The following CHN2 variants were observed in gnomAD, a reference collection of about 807,000 sequenced individuals.
CHN2 encodes beta-chimaerin.
In CHN2, 35 loss-of-function variants were observed where a neutral mutation model predicts 56.3. The ratio of observed to expected loss-of-function variants is 0.62; its 90% CI spans 0.47 to 0.82. CHN2 has a LOEUF of 0.82. CHN2 is among the 40% of genes least tolerant of loss of function. CHN2 has a pLI of 0.00. For missense variants in CHN2, 491 were observed against 580.5 expected (o/e 0.85, Z 1.58); for synonymous variants, 210 against 212.8 (o/e 0.99, Z 0.12).
At chr7:29,497,437 C>G (rs1438932442) in intron 8 of CHN2, among the ~76,000 whole-genome samples, 5 of 151,686 alleles carry the variant, frequency 3.3e-5, no homozygotes, top group Non-Finnish European at 7.4e-5. Flanking sequence ...TGAACAGCAA[C>G]TTTTCAAGTT....
At chr7:29,489,679 ATTTTG>A (rs1378672951) in intron 7 of CHN2, among the ~76,000 whole-genome samples, 2 of 152,054 alleles carry the variant, frequency 1.3e-5, no homozygotes, top group Non-Finnish European at 2.9e-5. Flanking sequence ...CTCTATTCTC[ATTTTG>A]TTTTATTTTT....
intron 12 of CHN2, among the ~76,000 whole-genome samples, chr7:29,511,143 G>T (rs1791309511): frequency 5.7e-5 from 1 of 17,526 alleles, no homozygotes; most frequent in Admixed American, 4.5e-4. Flanking sequence ...TATGTGAAAA[G>T]AAGCAAACGG....
At chr7:29,376,741 C>G (rs1436329409) in intron 3 of CHN2, among the ~76,000 whole-genome samples, 7 of 152,288 alleles carry the variant, frequency 4.6e-5, no homozygotes, top group Non-Finnish European at 1.0e-4. Context: ...AGTGTAGGCA[C>G]CCATAGCCTT....
At chr7:29,152,657 CCTT>C (rs1301911719) in intron 2 of CHN2, among the ~76,000 whole-genome samples, 1 of 152,124 alleles carries the variant, frequency 6.6e-6, no homozygotes, top group Non-Finnish European at 1.5e-5. Flanking sequence ...AGGAATTATC[CCTT>C]CTTCTCAGTA....
intron 1 of CHN2, among the ~76,000 whole-genome samples, chr7:29,264,134 G>A (rs1350906452): frequency 6.8e-6 from 1 of 147,008 alleles, no homozygotes; most frequent in Non-Finnish European, 1.5e-5. Context: ...CCCTCTGCCC[G>A]GCCGCCACCC....
chr7:29,324,600 T>C (rs183588678), intron 1 of CHN2, among the ~76,000 whole-genome samples: 3 of 146,572 alleles, frequency 2.0e-5, no homozygotes, highest in Non-Finnish European at 3.1e-5. Flanking sequence ...TAACATCAGC[T>C]GTGACTTTTT....
At chr7:29,333,951 A>C (rs1796412812) in intron 1 of CHN2, among the ~76,000 whole-genome samples, 1 of 152,152 alleles carries the variant, frequency 6.6e-6, no homozygotes, top group Admixed American at 6.6e-5. Flanking sequence ...GACATTTTGA[A>C]GATTACCTGG....
intron 1 of CHN2, among the ~76,000 whole-genome samples, chr7:29,203,385 T>G (rs561690632): frequency 6.8e-6 from 1 of 146,290 alleles, no homozygotes; most frequent in Admixed American, 7.0e-5. Context: ...AAGAATCGCT[T>G]GAATCCGGGA....
intron 1 of CHN2, among the ~76,000 whole-genome samples, chr7:29,232,225 T>A (rs932838966): frequency 6.6e-6 from 1 of 152,216 alleles, no homozygotes; most frequent in Non-Finnish European, 1.5e-5. Context: ...TTTTTTTTTA[T>A]AGTCAGAATT....
intron 1 of CHN2, among the ~76,000 whole-genome samples, chr7:29,260,464 T>C (rs781396994): frequency 5.9e-5 from 9 of 152,134 alleles, no homozygotes; most frequent in Non-Finnish European, 1.2e-4. Flanking sequence ...AGAGGTGTGC[T>C]TCAGAAAGCT....
chr7:29,182,045 T>A (rs2190646), intron 2 of CHN2, among the ~76,000 whole-genome samples: 19,767 of 152,230 alleles, frequency 0.13, 1,804 homozygotes, highest in East Asian at 0.44. Context: ...TTATAACTAT[T>A]TCTTTCAGTG....
chr7:29,320,476 T>G lies in CHN2; in HGVS notation c.50-34149T>G, dbSNP rs189236790. On this transcript the variant is annotated intron_variant, in intron 1 of 12. Coordinates refer to ENST00000222792, the MANE Select transcript of CHN2 (RefSeq NM_004067.4). ...TCCCCACAGATTTGTGATCACACAT[T>G]TTCTGCAACTTTATTATAAAAAATT... Among the ~76,000 whole-genome samples the G allele has an allele frequency of 1.9e-3, 286 of 152,312 alleles. 1 individual carries two copies. Among genetic ancestry groups the G allele is most frequent in the Middle Eastern group, 6.8e-3 (2 of 294 alleles).
At chr7:29,510,148 C>T (rs1487286016) in intron 12 of CHN2, among the ~76,000 whole-genome samples, 1 of 152,160 alleles carries the variant, frequency 6.6e-6, no homozygotes, top group African/African-American at 2.4e-5. Flanking sequence ...TGTGTGAGTT[C>T]TCTCTCATTG....
chr7:29,200,663 GA>G (rs1784092458), intron 1 of CHN2: 1 of 151,954 alleles, frequency 6.6e-6, no homozygotes, highest in Non-Finnish European at 1.5e-5. Context: ...CTCTCACATG[GA>G]TTCAGGTTAG....
intron 1 of CHN2, among the ~76,000 whole-genome samples, chr7:29,334,743 C>T (rs1415413407): frequency 6.6e-6 from 1 of 151,724 alleles, no homozygotes; most frequent in Admixed American, 6.6e-5. Context: ...GCGACAGAGC[C>T]AGACCCTGTC....
chr7:29,163,395 A>G (rs1378467398), intron 2 of CHN2, among the ~76,000 whole-genome samples: 1 of 152,148 alleles, frequency 6.6e-6, no homozygotes, highest in Non-Finnish European at 1.5e-5. Flanking sequence ...ATGTTTAAAA[A>G]TGTGTCTTTT....
chr7:29,363,085 C>T (rs1644007703), intron 2 of CHN2, among the ~76,000 whole-genome samples: 1 of 152,162 alleles, frequency 6.6e-6, no homozygotes, highest in South Asian at 2.1e-4. Context: ...TAGGAGATGG[C>T]CCCTTTGACT....
chr7:29,464,980 A>G (rs1002379235), intron 6 of CHN2, among the ~76,000 whole-genome samples: 1 of 152,210 alleles, frequency 6.6e-6, no homozygotes, highest in Non-Finnish European at 1.5e-5. Context: ...TTTCATCCCC[A>G]GAACCAATCT....
chr7:29,484,072 T>C, intron 7 of CHN2: 1 of 433,814 alleles, frequency 2.3e-6, no homozygotes, highest in African/African-American at 2.1e-5. Context: ...TTTTCTACCC[T>C]CTCTTCTTCA....
Sources: allele counts gnomAD v4.1 joint callset (sites outside exome capture counted in the v4.1 genomes callset), GRCh38; gene constraint gnomAD v4.1.1; transcripts MANE v1.5; gene names NCBI Gene and HGNC (gene_info 2026-07-23, HGNC 2026-07-21).